The following NACA variants were observed in gnomAD, a reference collection of about 807,000 sequenced individuals.
The protein encoded by NACA is nascent polypeptide associated complex subunit alpha.
Under a neutral mutation model 86.4 loss-of-function variants are expected in NACA, and 42 were observed. That is an observed-to-expected ratio of 0.49 (90% CI 0.38 to 0.63). NACA has a LOEUF of 0.63. Ranked by LOEUF, NACA falls within the 20% of genes least tolerant of loss-of-function variation. NACA has a pLI of 0.00. For synonymous variants in NACA, 898 were observed against 973.7 expected (o/e 0.92, Z 1.45); for missense variants, 2,157 against 2,483.6 (o/e 0.87, Z 2.80).
Position 56,713,056 on chromosome 12 carries a change from G to GTA in NACA, c.6099+4_6099+5dup. ...GAGTTAAATTATGAAAGATTTCCTA[G>GTA]TATACCTCTTCCTCTTCACTCTCCT... is the stretch of plus-strand genomic sequence containing the variant. On this transcript the variant is annotated splice_donor_region_variant and intron_variant, in intron 7 of 8. Transcript: ENST00000454682. The GTA allele has an allele frequency of 2.5e-6, 4 of 1,613,902 alleles. No homozygotes were observed. The highest frequency in any genetic ancestry group is 3.4e-6 in the Non-Finnish European group (4 of 1,179,910).
intron 5 of NACA, chr12:56,714,136 C>T (rs1953286057): frequency 1.9e-6 from 1 of 530,016 alleles, no homozygotes; most frequent in Non-Finnish European, 3.4e-6. Flanking sequence ...TGTGAGCCAC[C>T]AACCTAGCTA....
rs1219215137 is a variant in NACA, at chr12:56,713,091, T to C, written c.6070A>G (p.Thr2024Ala). The C allele has an allele frequency of 3.1e-6, 5 of 1,613,928 alleles. No individual in the cohort carries two copies. Among genetic ancestry groups the C allele is most frequent in the Admixed American group, 3.3e-5 (2 of 59,996 alleles). ...TCCTCTTCACTCTCCTCTTGTACAGTTGGAGTCTGTGTGTTTTCTTGAATG... is the reference window on the plus strand; with the variant it reads ...TCCTCTTCACTCTCCTCTTGTACAGCTGGAGTCTGTGTGTTTTCTTGAATG... ...SNIQENTQTP[T>A]VQEESEEEEV... Residue 2024 changes from threonine to alanine, a missense_variant, in exon 7 of 9, where the codon ACT (threonine) becomes GCT (alanine). Coordinates refer to ENST00000454682, the MANE Select transcript of NACA (RefSeq NM_001365896.1).
Position 56,716,478 on chromosome 12 carries a change from T to C in NACA, c.5052A>G (p.Val1684=). Residue 1684 remains valine (V), a synonymous_variant, in exon 3 of 9, where the codon GTA becomes GTG. Coordinates refer to ENST00000454682, the MANE Select transcript of NACA (RefSeq NM_001365896.1). ...TGCTTTCTGGAGCTGGGGCAACAAGTACTTCTTTCAGAGCTGTGGGGCCTT... is the reference window on the plus strand; with the variant it reads ...TGCTTTCTGGAGCTGGGGCAACAAGCACTTCTTTCAGAGCTGTGGGGCCTT... ...AKKGPTALKE[V]LVAPAPESTP... is the part of the protein sequence containing the mutation. 1.9e-6 allele frequency: 3 copies of C among 1,543,940 alleles called. No individual in the cohort carries two copies. Among genetic ancestry groups the C allele is most frequent in the South Asian group, 2.2e-5 (2 of 89,592 alleles).
At position 56,719,997 on chromosome 12, in the gene NACA, G is replaced by T. The variant is rs780210038; in HGVS notation, c.1533C>A (p.Asp511Glu). 4 of 1,613,790 alleles carry T rather than the reference G, an allele frequency of 2.5e-6. No homozygotes were observed. Among genetic ancestry groups the T allele is most frequent in the South Asian group, 1.1e-5 (1 of 91,084 alleles). Reference sequence around the variant, plus strand: ...TGGGGAGATTTTTGAGGTCTTCAGGGTCTGGCAGAGGAGGAGAGACTGGTA... The same window carrying T: ...TGGGGAGATTTTTGAGGTCTTCAGGTTCTGGCAGAGGAGGAGAGACTGGTA... ...LRIPVSPPLP[D>E]PEDLKNLPSS... Residue 511 changes from aspartate (D) to glutamate (E), a missense_variant, in exon 3 of 9, where the codon GAC becomes GAA. Around this residue, in one of 8 missense-constraint regions of NACA, gnomAD observed 947 missense variants for 917.9 expected, o/e 1.03. Coordinates refer to ENST00000454682, the MANE Select transcript of NACA (RefSeq NM_001365896.1).
chr12:56,713,815 G>C lies in NACA; in HGVS notation c.5824-132C>G, dbSNP rs543162537. 26 of 901,928 alleles carry C rather than the reference G, an allele frequency of 2.9e-5. No individual in the cohort carries two copies. In the African/African-American group the frequency reaches 4.0e-4, roughly 14 times the overall value. The allele number at this position is 901,928 out of a possible 1,614,324, so 55.9% of individuals were successfully genotyped here. On this transcript the variant is annotated intron_variant, in intron 5 of 8. Transcript: ENST00000454682. Reference sequence around the variant, plus strand: ...AAAGTTCATACAAGAATAGAGAATGGGTTTTCTGCCGTAGTAACTTCTGTT... The same window carrying C: ...AAAGTTCATACAAGAATAGAGAATGCGTTTTCTGCCGTAGTAACTTCTGTT...
rs1424058626 is a variant in NACA, at chr12:56,720,543, A to T, written c.987T>A (p.Ser329Arg). The T allele has an allele frequency of 6.2e-7, 1 of 1,613,996 alleles. No individual in the cohort carries two copies. The highest frequency in any genetic ancestry group is 8.5e-7 in the Non-Finnish European group (1 of 1,179,858). ...SVQLLGQTGP[S>R]ALSDPTVKTI... ...TCTTCACTGTAGGGTCTGACAAAGC[A>T]CTAGGACCTGTTTGACCTAAAAGTT... Residue 329 changes from serine to arginine, a missense_variant, in exon 3 of 9, where the codon AGT becomes AGA. By Grantham distance (110) the Ser-to-Arg change is moderately radical. Around this residue, in one of 8 missense-constraint regions of NACA, gnomAD observed 947 missense variants for 917.9 expected, o/e 1.03. Transcript: ENST00000454682.
Position 56,717,187 on chromosome 12 carries a change from G to A in NACA, c.4343C>T (p.Ala1448Val), listed in dbSNP as rs761158988. ...TGGGCCTCCTTTGGGGGCTGAAGTT[G>A]CTGGGGCCTTTTTGAGGGAGACAGG... The part of the protein sequence containing the change: ...VTPVSLKKAP[A>V]TSAPKGGPAT... Residue 1448 changes from alanine to valine, a missense_variant, in exon 3 of 9, where the codon GCA (alanine) becomes GTA (valine). Around this residue, in one of 8 missense-constraint regions of NACA, gnomAD observed 797 missense variants for 777.6 expected, o/e 1.02. Transcript: ENST00000454682. 6 of 1,293,998 alleles carry A rather than the reference G, an allele frequency of 4.6e-6. No homozygotes were observed. The Admixed American group carries it at 1.2e-4, about 26-fold the overall frequency. The allele number at this position is 1,293,998 out of a possible 1,614,324, so 80.2% of individuals were successfully genotyped here.
rs564142402 is a variant in NACA at position 56,716,830 on chromosome 12, G to T, written c.4700C>A (p.Pro1567His). ...SPKKTPAIPT[P>H]KEAPATPSSK... is the part of the protein sequence containing the mutation. Reference sequence around the variant, plus strand: ...GGATGGGGTAGCTGGGGCTTCTTTGGGGGTTGGAATTGCTGGGGTCTTTTT... The same window carrying T: ...GGATGGGGTAGCTGGGGCTTCTTTGTGGGTTGGAATTGCTGGGGTCTTTTT... Residue 1567 changes from proline (P) to histidine (H), a missense_variant, in exon 3 of 9, where the codon CCC becomes CAC. Pro to His is a moderately conservative substitution (Grantham distance 77). Coordinates refer to ENST00000454682, the MANE Select transcript of NACA (RefSeq NM_001365896.1). 3.0e-6 allele frequency: 4 copies of T among 1,333,148 alleles called. No individual in the cohort carries two copies. In the Admixed American group the frequency reaches 1.1e-4, roughly 36 times the overall value. 82.6% of individuals were successfully genotyped at this position (1,333,148 alleles called of 1,614,324 possible).
At chr12:56,722,051 T>A (rs1953588756) in intron 2 of NACA, among the ~76,000 whole-genome samples, 1 of 152,222 alleles carries the variant, frequency 6.6e-6, no homozygotes, top group South Asian at 2.1e-4. Context: ...CTAGGAAACA[T>A]CTGACTCTGT....
chr12:56,713,651 T>G lies in NACA; in HGVS notation c.5856A>C (p.Thr1952=). The change falls in exon 6 of 9, where the codon ACA becomes ACC. Residue 1952 remains threonine (T), a synonymous_variant. Transcript: ENST00000454682. ...AMSKLGLRQV[T]GVTRVTIRKS... is the part of the protein sequence containing the mutation. ...TCCGGATAGTGACTCTAGTAACTCC[T>G]GTAACCTGCCGAAGACCCAGTTTGG... 1 of 1,614,138 alleles carries G rather than the reference T, an allele frequency of 6.2e-7. No homozygotes were observed.
chr12:56,716,100 C>T lies in NACA; in HGVS notation c.5430G>A (p.Leu1810=), dbSNP rs759195707. ...ACGGCAGAAATTGCTGTTTAGGAGG[C>T]AGAGTGGGAACTGGGGAGGGAGCAA... is the stretch of plus-strand genomic sequence containing the variant. ...LPLAPSPVPT[L]PPKQQFLPSS... The change falls in exon 3 of 9, where the codon CTG becomes CTA. Residue 1810 remains leucine (L), a synonymous_variant. Transcript: ENST00000454682. 1 of 1,613,208 alleles carries T rather than the reference C, an allele frequency of 6.2e-7. No individual in the cohort carries two copies. The highest frequency in any genetic ancestry group is 8.5e-7 in the Non-Finnish European group (1 of 1,179,640).
At position 56,720,750 on chromosome 12, in the gene NACA, G is replaced by A. The variant is rs749643346; in HGVS notation, c.780C>T (p.Asn260=). The A allele has an allele frequency of 6.2e-7, 1 of 1,613,980 alleles. No homozygotes were observed. Among genetic ancestry groups the A allele is most frequent in the South Asian group, 1.1e-5 (1 of 91,088 alleles). Residue 260 remains asparagine (N), a synonymous_variant, in exon 3 of 9, where the codon AAC becomes AAT. Transcript: ENST00000454682. Reference sequence around the variant, plus strand: ...GCCCCTTCAGGCTGAGGCTTCCTGGGTTTTGTGGAGAAATCAGAACTGAGG... The same window carrying A: ...GCCCCTTCAGGCTGAGGCTTCCTGGATTTTGTGGAGAAATCAGAACTGAGG... ...TISSVLISPQ[N]PGSLSLKGPV... is the part of the protein sequence containing the mutation.
Position 56,714,455 on chromosome 12 carries a change from A to G in NACA, c.5746-16T>C. On this transcript the variant is annotated splice_polypyrimidine_tract_variant and intron_variant, in intron 4 of 8. Coordinates refer to ENST00000454682, the MANE Select transcript of NACA (RefSeq NM_001365896.1). ...CTGCCGCCAGCTAAGAAGATAAAAC[A>G]GCTATTAGTTAACCAGAATCTAAGA... 1 of 1,613,520 alleles carries G rather than the reference A, an allele frequency of 6.2e-7. No individual in the cohort carries two copies. The highest frequency in any genetic ancestry group is 8.5e-7 in the Non-Finnish European group (1 of 1,179,420).
Position 56,718,126 on chromosome 12 carries a change from GAGGGAGGAGTTGCAGCTGGGGTTGTGGGT to G in NACA, c.3375_3403del (p.Thr1127LysfsTer208). ...TGGGGTAGCTAGACCTCCTTTTGGG[GAGGGAGGAGTTGCAGCTGGGGTTGTGGGT>G]GCCCCTTTGTGGGGTGGGGTAGCTA... On this transcript the variant is annotated frameshift_variant, in exon 3 of 9. Coordinates refer to ENST00000454682, the MANE Select transcript of NACA (RefSeq NM_001365896.1). LOFTEE classifies it high-confidence loss of function. 3.2e-6 allele frequency: 3 copies of G among 926,202 alleles called. No homozygotes were observed. The highest frequency in any genetic ancestry group is 3.9e-6 in the Non-Finnish European group (3 of 766,194). 57.4% of individuals were successfully genotyped at this position (926,202 alleles called of 1,614,324 possible).
At position 56,717,838 on chromosome 12, in the gene NACA, C is replaced by A. The variant is rs202147060; in HGVS notation, c.3692G>T (p.Gly1231Val). 8.2e-6 allele frequency: 9 copies of A among 1,098,890 alleles called. No homozygotes were observed. Among genetic ancestry groups the A allele is most frequent in the Admixed American group, 4.0e-5 (1 of 24,882 alleles). 68.1% of individuals were successfully genotyped at this position (1,098,890 alleles called of 1,614,324 possible). The change falls in exon 3 of 9, where the codon GGT becomes GTT. Residue 1231 changes from glycine (G) to valine (V), a missense_variant. Around this residue, in one of 8 missense-constraint regions of NACA, gnomAD observed 10 missense variants for 129.4 expected, o/e 0.08. Coordinates refer to ENST00000454682, the MANE Select transcript of NACA (RefSeq NM_001365896.1). The stretch of plus-strand genomic sequence containing the variant: ...CCCTTTGGGGGATGGGGTAGCCAGA[C>A]CTCCTTTTGGGGAGGGAGGAGTTGC... The part of the protein sequence containing the change: ...PAATPPSPKG[G>V]LATPSPKGAP...
rs1953537489 is a variant in NACA at position 56,720,361 on chromosome 12, C to G, written c.1169G>C (p.Ser390Thr). 6.2e-7 allele frequency: 1 copy of G among 1,613,722 alleles called. No individual in the cohort carries two copies. The change falls in exon 3 of 9, where the codon AGC becomes ACC. Residue 390 changes from serine to threonine, a missense_variant. By Grantham distance (58) the Ser-to-Thr change is moderately conservative (BLOSUM62 1). Transcript: ENST00000454682. ...GGAGCCAGAAGGGCTGCAGGTTATG[C>G]TAGAGATGGTAGAGGGACCTTTGTC... ...SVDKGPSTIS[S>T]ITCSPSGSLN... is the part of the protein sequence containing the mutation.
Position 56,714,409 on chromosome 12 carries a change from G to A in NACA, c.5776C>T (p.Pro1926Ser). 1.9e-6 allele frequency: 3 copies of A among 1,614,150 alleles called. No individual in the cohort carries two copies. The highest frequency in any genetic ancestry group is 2.5e-6 in the Non-Finnish European group (3 of 1,180,042). Reference protein sequence around the residue: ...LAAAAEIDEEPVSKAKQSRSE... With the variant: ...LAAAAEIDEESVSKAKQSRSE... ...CGACTCTGTTTTGCTTTACTGACTG[G>A]TTCTTCATCAATTTCAGCTGCTGCC... The change falls in exon 5 of 9, where the codon CCA becomes TCA. Residue 1926 changes from proline to serine, a missense_variant. Physicochemically the swap from Pro to Ser is moderately conservative, Grantham distance 74. Transcript: ENST00000454682.
rs1323454470 is a variant in NACA, at chr12:56,713,517, C to T, written c.5970+20G>A. On this transcript the variant is annotated intron_variant, in intron 6 of 8. Transcript: ENST00000454682. ...TGAGAAACCCTGGTCTGGAACAATG[C>T]CCAAGAAAAGTTTACTCACCTTGGC... 5.0e-6 allele frequency: 8 copies of T among 1,612,280 alleles called. No homozygotes were observed. The Admixed American group carries it at 5.0e-5, about 10-fold the overall frequency.
chr12:56,716,284 G>A lies in NACA; in HGVS notation c.5246C>T (p.Ala1749Val). 6.2e-7 allele frequency: 1 copy of A among 1,613,408 alleles called. No homozygotes were observed. The highest frequency in any genetic ancestry group is 8.5e-7 in the Non-Finnish European group (1 of 1,179,816). The change falls in exon 3 of 9, where the codon GCA becomes GTA. Residue 1749 changes from alanine to valine, a missense_variant. Transcript: ENST00000454682. ...LPVQKDSSKT[A>V]KGKDASHSPK... Reference sequence around the variant, plus strand: ...GGAATGAGAAGCATCTTTGCCTTTTGCTGTCTTTGAAGAGTCTTTCTGAAC... The same window carrying A: ...GGAATGAGAAGCATCTTTGCCTTTTACTGTCTTTGAAGAGTCTTTCTGAAC...
Sources: gnomAD v4.1 joint callset for allele counts (sites outside exome capture counted in the v4.1 genomes callset) on GRCh38, gnomAD v4.1.1 for gene constraint, gnomAD v4.1.1 regional missense constraint, MANE v1.5 for transcripts, NCBI Gene and HGNC (gene_info 2026-07-23, HGNC 2026-07-21) for gene names.